AGAP5: variants seen among roughly 807,000 people sequenced by gnomAD.
AGAP5 encodes the protein arf-GAP with GTPase, ANK repeat and PH domain-containing protein 5.
Under a neutral mutation model 27.7 loss-of-function variants are expected in AGAP5, and 8 were observed. The observed-to-expected ratio is 0.29, with a 90% CI of 0.17 to 0.52. The LOEUF is 0.52. Among genes scored for constraint, AGAP5 ranks in the 20% least tolerant of loss-of-function variants. The pLI, the probability that AGAP5 is intolerant of heterozygous loss-of-function variation, is 0.97. For missense variants in AGAP5, 285 were observed against 880.8 expected (o/e 0.32, Z 8.56); for synonymous variants, 111 against 338.0 (o/e 0.33, Z 7.37).
At chr10:73,697,316 A>G (rs910409847) in intron 1 of AGAP5, among the ~76,000 whole-genome samples, 153 bp from the exon 2 acceptor site, 31 of 152,150 alleles carry the variant, frequency 2.0e-4, no homozygotes, top group African/African-American at 7.2e-4. Flanking sequence ...GAACTGGGCG[A>G]TTGGGAGGGG....
At chr10:73,677,622 G>GCGAT (rs2081991040) in intron 6 of AGAP5, among the ~76,000 whole-genome samples, 1 of 151,744 alleles carries the variant, frequency 6.6e-6, no homozygotes, top group Non-Finnish European at 1.5e-5. Flanking sequence ...CTAACCTCAG[G>GCGAT]CGATCCACTT....
At chr10:73,688,458 T>C (rs1027738284) in intron 4 of AGAP5, among the ~76,000 whole-genome samples, 3 of 147,820 alleles carry the variant, frequency 2.0e-5, no homozygotes, top group Non-Finnish European at 4.5e-5. Flanking sequence ...AGAAAAGAGA[T>C]CAAAACAATA....
intron 4 of AGAP5, among the ~76,000 whole-genome samples, chr10:73,690,331 CAT>C (rs1184181450): frequency 6.6e-5 from 10 of 152,318 alleles, no homozygotes; most frequent in Admixed American, 1.3e-4. Flanking sequence ...CTCTCTGAAA[CAT>C]GTGCTGTATC....
At position 73,697,688 on chromosome 10, in the gene AGAP5, G is replaced by A. The variant is rs745814410; in HGVS notation, c.68C>T (p.Ser23Leu). The change falls in exon 1 of 8, where the codon TCG becomes TTG. Residue 23 changes from serine to leucine, a missense_variant. Coordinates refer to ENST00000374094, the MANE Select transcript of AGAP5 (RefSeq NM_001144000.4). ...VSLEFDQQQGSVCPSESEIYE... is the reference protein window; with the variant it reads ...VSLEFDQQQGLVCPSESEIYE... ...GATCTCAGATTCAGAGGGACACACC[G>A]ACCCCTGTTGCTGGTCAAACTCGAG... 14 of 1,598,758 alleles carry A rather than the reference G, an allele frequency of 8.8e-6. No homozygotes were observed. Among genetic ancestry groups the A allele is most frequent in the Non-Finnish European group, 1.1e-5 (13 of 1,179,790 alleles).
chr10:73,689,127 C>T (rs1453251068), intron 4 of AGAP5, among the ~76,000 whole-genome samples: 3 of 151,194 alleles, frequency 2.0e-5, no homozygotes, highest in African/African-American at 7.4e-5. Context: ...CCTGCGATTG[C>T]AGGCGCGCGC....
chr10:73,687,977 A>G (rs1301944063), intron 4 of AGAP5, among the ~76,000 whole-genome samples: 2 of 152,190 alleles, frequency 1.3e-5, no homozygotes, highest in African/African-American at 4.8e-5. Context: ...GTGAACTTAC[A>G]GGCAAATGGC....
chr10:73,691,018 G>A (rs540325802), intron 4 of AGAP5, among the ~76,000 whole-genome samples: 5 of 152,322 alleles, frequency 3.3e-5, no homozygotes, highest in South Asian at 2.1e-4. Flanking sequence ...ATACTTGGGG[G>A]AAAAACAGCT....
chr10:73,689,380 T>G (rs1359929936), intron 4 of AGAP5, among the ~76,000 whole-genome samples: 1 of 152,214 alleles, frequency 6.6e-6, no homozygotes, highest in Admixed American at 6.5e-5. Flanking sequence ...CCCAAAGTGC[T>G]GAGATTGCAG....
chr10:73,697,565 A>G lies in AGAP5; in HGVS notation c.191T>C (p.Met64Thr), dbSNP rs765643956. ...VTVEVGEDLH[M>T]HHIRDQEMPE... ...CATCTCCTGGTCACGAATGTGGTGC[A>G]TGTGGAGGTCCTCACCAACTTCAAC... Residue 64 changes from methionine to threonine, a missense_variant, in exon 1 of 8, where the codon ATG becomes ACG. Met to Thr is a moderately conservative substitution (Grantham distance 81). Transcript: ENST00000374094. 2.5e-6 allele frequency: 4 copies of G among 1,613,042 alleles called. No individual in the cohort carries two copies. Among genetic ancestry groups the G allele is most frequent in the Admixed American group, 3.3e-5 (2 of 60,008 alleles).
In AGAP5 at chr10:73,678,915, G is replaced by A. The variant is rs1158475352; in HGVS notation, c.533+1156C>T. 3.3e-5 allele frequency among the ~76,000 whole-genome samples: 5 copies of A among 150,830 alleles called. No homozygotes were observed. The South Asian group carries it at 8.5e-4, about 26-fold the overall frequency. On this transcript the variant is annotated intron_variant, in intron 6 of 7. Transcript: ENST00000374094. ...GTCACCCAGGCTGGGGTGCAATGGC[G>A]AGATCTCGGCTCACTGCAACCTCCA...
Position 73,674,524 on chromosome 10 carries a change from T to C in AGAP5, c.*75A>G. On this transcript the variant is annotated 3_prime_UTR_variant, in exon 8 of 8. Coordinates refer to ENST00000374094, the MANE Select transcript of AGAP5 (RefSeq NM_001144000.4). ...TACTAGCTGAATTTGTGATTTCCTTTTGAAATTCTGAGTTATCCTTATTTT... is the reference window on the plus strand; with the variant it reads ...TACTAGCTGAATTTGTGATTTCCTTCTGAAATTCTGAGTTATCCTTATTTT... 6.3e-7 allele frequency: 1 copy of C among 1,586,028 alleles called. No homozygotes were observed. The highest frequency in any genetic ancestry group is 8.6e-7 in the Non-Finnish European group (1 of 1,162,116).
chr10:73,697,902 A>G lies in AGAP5; in HGVS notation c.-147T>C, dbSNP rs553210298. On this transcript the variant is annotated 5_prime_UTR_variant, in exon 1 of 8. Coordinates refer to ENST00000374094, the MANE Select transcript of AGAP5 (RefSeq NM_001144000.4). The stretch of plus-strand genomic sequence containing the variant: ...CCCACCTCACAGCGCGGCCCCGGGC[A>G]CCATCCCTGGCCCCGGCCCCGGCCC... 2.0e-4 allele frequency: 305 copies of G among 1,535,412 alleles called. 1 individual carries two copies. In the African/African-American group the frequency reaches 3.6e-3, roughly 18 times the overall value.
chr10:73,691,105 G>A (rs2082114882), intron 4 of AGAP5, among the ~76,000 whole-genome samples: 1 of 152,194 alleles, frequency 6.6e-6, no homozygotes, highest in Non-Finnish European at 1.5e-5. Context: ...AGCAAACAGA[G>A]CACCCAGAGG....
chr10:73,678,619 T>C (rs980691353), intron 6 of AGAP5, among the ~76,000 whole-genome samples: 1 of 151,962 alleles, frequency 6.6e-6, no homozygotes, highest in Non-Finnish European at 1.5e-5. Context: ...AACTAATGCA[T>C]GATATTATAA....
intron 3 of AGAP5, among the ~76,000 whole-genome samples, chr10:73,693,788 C>T (rs1273629959): frequency 6.6e-6 from 1 of 151,944 alleles, no homozygotes; most frequent in African/African-American, 2.4e-5. Flanking sequence ...TCCCCTTTGC[C>T]TTTTATCATG....
chr10:73,689,545 G>A (rs2082096346), intron 4 of AGAP5, among the ~76,000 whole-genome samples: 1 of 151,478 alleles, frequency 6.6e-6, no homozygotes, highest in African/African-American at 2.4e-5. Context: ...GAAGTGAGGA[G>A]CGCCTCTTCC....
intron 4 of AGAP5, among the ~76,000 whole-genome samples, chr10:73,685,552 T>TC (rs1038955735): frequency 6.6e-6 from 1 of 151,422 alleles, no homozygotes; most frequent in African/African-American, 2.4e-5. Context: ...TGGTGGATTA[T>TC]CTTTTTTTTT....
rs765256382 is a variant in AGAP5 at position 73,675,157 on chromosome 10, T to C, written c.1503A>G (p.Glu501=). The C allele has an allele frequency of 1.2e-5, 19 of 1,608,570 alleles. No individual in the cohort carries two copies. The East Asian group carries it at 4.0e-4, about 34-fold the overall frequency. Residue 501 remains glutamate, a synonymous_variant, in exon 8 of 8, where the codon GAA becomes GAG. Coordinates refer to ENST00000374094, the MANE Select transcript of AGAP5 (RefSeq NM_001144000.4). ...SLNLGVLMCI[E]CSGIHRSLGT... ...CAAGACTGCGGTGGATTCCTGAGCATTCAATACACATGAGGACTCCCAAGT... is the reference window on the plus strand; with the variant it reads ...CAAGACTGCGGTGGATTCCTGAGCACTCAATACACATGAGGACTCCCAAGT...
chr10:73,694,345 T>C (rs2132461603), intron 3 of AGAP5, among the ~76,000 whole-genome samples: 1 of 152,298 alleles, frequency 6.6e-6, no homozygotes, highest in South Asian at 2.1e-4. Context: ...TTTGTTTAAA[T>C]GAAAACCAAG....
Sources: gnomAD v4.1 joint callset for allele counts (sites outside exome capture counted in the v4.1 genomes callset) on GRCh38, gnomAD v4.1.1 for gene constraint, MANE v1.5 for transcripts, NCBI Gene and HGNC (gene_info 2026-07-23, HGNC 2026-07-21) for gene names.